The following RNLS variants were observed in gnomAD, a reference collection of about 807,000 sequenced individuals.
RNLS encodes renalase.
In RNLS, 39 loss-of-function variants were observed where a neutral mutation model predicts 39.8. The observed-to-expected ratio is 0.98, with a 90% CI of 0.76 to 1.28. RNLS has a LOEUF of 1.28. Among genes scored for constraint, RNLS ranks in the 50% most tolerant of loss-of-function variants. The pLI, the probability that RNLS is intolerant of heterozygous loss-of-function variation, is 0.00. For missense variants in RNLS, 410 were observed against 413.3 expected (o/e 0.99, Z 0.07); for synonymous variants, 147 against 150.7 (o/e 0.98, Z 0.18).
intron 4 of RNLS, among the ~76,000 whole-genome samples, chr10:88,371,243 A>AT (rs1343720927): frequency 6.6e-6 from 1 of 152,160 alleles, no homozygotes; most frequent in Non-Finnish European, 1.5e-5. Context: ...TAACAAGTGT[A>AT]TTGCAAAAAT....
exon 7 of RNLS, chr10:88,275,022 G>C (rs1284569739): frequency 6.2e-7 from 1 of 1,612,696 alleles, no homozygotes; most frequent in Admixed American, 1.7e-5. Flanking sequence ...AATCACACCA[G>C]CACTTGGTAC....
At chr10:88,501,516 A>G (rs1845482642) in intron 4 of RNLS, among the ~76,000 whole-genome samples, 1 of 152,142 alleles carries the variant, frequency 6.6e-6, no homozygotes, top group South Asian at 2.1e-4. Context: ...ATTCTTAAAC[A>G]CTCTCTCAGT....
intron 5 of RNLS, among the ~76,000 whole-genome samples, chr10:88,340,413 TTGA>T (rs2133215914): frequency 6.6e-6 from 1 of 151,598 alleles, no homozygotes; most frequent in African/African-American, 2.4e-5. Context: ...CCTCAGGAGA[TTGA>T]TTTCAAATTA....
Position 88,303,602 on chromosome 10 carries a change from T to C in RNLS, c.876+10864A>G, listed in dbSNP as rs192448619. Among the ~76,000 whole-genome samples, 55 of 152,294 alleles carry C rather than the reference T, an allele frequency of 3.6e-4. 2 individuals carry two copies. The East Asian group carries it at 0.01, about 28-fold the overall frequency. On this transcript the variant is annotated intron_variant, in intron 6 of 6. Coordinates refer to ENST00000331772, the MANE Select transcript of RNLS (RefSeq NM_001031709.3). Reference sequence around the variant, plus strand: ...ATGGCAACTGTCCACATTGCTTTGCTTTGCTTTGCTTTGCCGGTGCATGTC... The same window carrying C: ...ATGGCAACTGTCCACATTGCTTTGCCTTGCTTTGCTTTGCCGGTGCATGTC...
intron 5 of RNLS, among the ~76,000 whole-genome samples, chr10:88,321,140 G>C (rs1301496135): frequency 6.6e-6 from 1 of 152,000 alleles, no homozygotes; most frequent in Non-Finnish European, 1.5e-5. Flanking sequence ...ATCATACCAA[G>C]AGGAACTATC....
At chr10:88,496,324 C>T (rs866319869) in intron 4 of RNLS, among the ~76,000 whole-genome samples, 3 of 152,008 alleles carry the variant, frequency 2.0e-5, no homozygotes, top group South Asian at 2.1e-4. Flanking sequence ...AGAAAAGAAC[C>T]GAAAATTTCC....
chr10:88,430,514 C>T (rs2133805810), intron 4 of RNLS, among the ~76,000 whole-genome samples: 1 of 151,814 alleles, frequency 6.6e-6, no homozygotes, highest in South Asian at 2.1e-4. Context: ...GTCTAACCCC[C>T]CTAGTTAAAT....
the RNLS span, among the ~76,000 whole-genome samples, chr10:88,175,628 A>T: frequency 1.3e-5 from 2 of 152,236 alleles, no homozygotes; most frequent in African/African-American, 4.8e-5. Flanking sequence ...TTTTAATTTT[A>T]AAAAGCTTAT....
the RNLS span, among the ~76,000 whole-genome samples, chr10:88,246,759 T>A: frequency 2.6e-5 from 4 of 152,100 alleles, no homozygotes; most frequent in African/African-American, 4.8e-5. Context: ...CTGCAAGAAA[T>A]CAACGCATTG....
intron 5 of RNLS, among the ~76,000 whole-genome samples, chr10:88,334,228 A>C (rs1206495847): frequency 6.6e-6 from 1 of 152,226 alleles, no homozygotes; most frequent in East Asian, 1.9e-4. Flanking sequence ...CATTCTTAAC[A>C]CTGGGTAATG....
At chr10:88,455,815 T>C (rs1842599442) in intron 4 of RNLS, among the ~76,000 whole-genome samples, 1 of 152,184 alleles carries the variant, frequency 6.6e-6, no homozygotes, top group Non-Finnish European at 1.5e-5. Flanking sequence ...CCCAGTGACT[T>C]GGTTATTTCC....
chr10:88,290,281 C>T (rs534173304), intron 6 of RNLS, among the ~76,000 whole-genome samples: 4 of 152,138 alleles, frequency 2.6e-5, no homozygotes, highest in Non-Finnish European at 5.9e-5. Context: ...TTTAGGCTGA[C>T]CTATTCAGCC....
At chr10:88,234,072 A>AC in the RNLS span, among the ~76,000 whole-genome samples, 1 of 145,576 alleles carries the variant, frequency 6.9e-6, no homozygotes, top group African/African-American at 2.5e-5. Flanking sequence ...GATGGCCCTG[A>AC]CCCCCCTGCA....
At chr10:88,535,135 A>C (rs1847670903) in intron 4 of RNLS, among the ~76,000 whole-genome samples, 1 of 152,188 alleles carries the variant, frequency 6.6e-6, no homozygotes, top group South Asian at 2.1e-4. Context: ...AAGTAATATT[A>C]AAAATCATGA....
exon 7 of RNLS, chr10:88,274,173 T>C (rs1268337344): frequency 2.0e-5 from 3 of 152,238 alleles, no homozygotes; most frequent in African/African-American, 7.2e-5. Flanking sequence ...TATCAACTTC[T>C]TTATTTATTG....
At chr10:88,351,645 G>C (rs1433993199) in intron 5 of RNLS, among the ~76,000 whole-genome samples, 1 of 152,220 alleles carries the variant, frequency 6.6e-6, no homozygotes, top group African/African-American at 2.4e-5. Flanking sequence ...TTGTAGTATA[G>C]TTTGAAGTCA....
chr10:88,224,750 G>A, the RNLS span, among the ~76,000 whole-genome samples: 6 of 152,270 alleles, frequency 3.9e-5, no homozygotes, highest in Non-Finnish European at 4.4e-5. Flanking sequence ...CTCAGGTTAC[G>A]TGCAATCTTT....
At chr10:88,353,470 C>A (rs537613750) in intron 5 of RNLS, among the ~76,000 whole-genome samples, 13 of 152,214 alleles carry the variant, frequency 8.5e-5, no homozygotes, top group Admixed American at 3.3e-4. Flanking sequence ...CATTATGTAG[C>A]CAGTAGTCAT....
chr10:88,436,942 A>C (rs1316022286), intron 4 of RNLS, among the ~76,000 whole-genome samples: 1 of 152,228 alleles, frequency 6.6e-6, no homozygotes, highest in Non-Finnish European at 1.5e-5. Context: ...GACCAAAAAA[A>C]TGTTGGTAGA....
Sources: allele counts gnomAD v4.1 joint callset (sites outside exome capture counted in the v4.1 genomes callset), GRCh38; gene constraint gnomAD v4.1.1; transcripts MANE v1.5; gene names NCBI Gene and HGNC (gene_info 2026-07-23, HGNC 2026-07-21).